Variants in SPOCK1 observed in about 807,000 individuals in gnomAD.
SPOCK1 encodes testican-1.
A neutral mutation model predicts 55.3 loss-of-function variants in SPOCK1; 23 were observed. The observed-to-expected ratio is 0.42, with a 90% CI of 0.30 to 0.59. SPOCK1 has a LOEUF of 0.59. SPOCK1 is among the 20% of genes least tolerant of loss of function. The pLI is 0.22. For synonymous variants in SPOCK1, 226 were observed against 221.0 expected (o/e 1.02, Z -0.20); for missense variants, 499 against 552.5 (o/e 0.90, Z 0.97).
rs1222111592 is a variant in SPOCK1 at position 136,988,522 on chromosome 5, C to T, written c.828G>A (p.Lys276=). 6.2e-7 allele frequency: 1 copy of T among 1,614,184 alleles called. No individual in the cohort carries two copies. The highest frequency in any genetic ancestry group is 1.7e-5 in the Admixed American group (1 of 60,030). ...PSEINAIYLD[K]YEPCIKPLFN... The stretch of plus-strand genomic sequence containing the variant: ...AAAGAGGCTTGATACAGGGCTCGTA[C>T]TTATCCAGGTAGATGGCATTGATCT... Residue 276 remains lysine (K), a synonymous_variant, in exon 8 of 11, where the codon AAG becomes AAA. Transcript: ENST00000394945.
Position 137,446,475 on chromosome 5 carries a change from G to T in SPOCK1, c.186+51898C>A, listed in dbSNP as rs142798522. Among the ~76,000 whole-genome samples the T allele has an allele frequency of 8.5e-4, 129 of 152,272 alleles. 1 individual carries two copies. The highest frequency in any genetic ancestry group is 2.8e-3 in the African/African-American group (116 of 41,548). On this transcript the variant is annotated intron_variant, in intron 2 of 10. Coordinates refer to ENST00000394945, the MANE Select transcript of SPOCK1 (RefSeq NM_004598.4). Reference sequence around the variant, plus strand: ...GCAGTCTTCCCTTTGGTCTCAGCAGGATCCCACAGGTGAGAGATCCCAGAA... The same window carrying T: ...GCAGTCTTCCCTTTGGTCTCAGCAGTATCCCACAGGTGAGAGATCCCAGAA...
chr5:137,181,142 G>A (rs181450063), intron 3 of SPOCK1, among the ~76,000 whole-genome samples: 1 of 152,298 alleles, frequency 6.6e-6, no homozygotes, highest in Non-Finnish European at 1.5e-5. Context: ...AACGCTCGAT[G>A]GAAGGAATAG....
At chr5:137,150,976 CAT>C (rs1754308629) in intron 3 of SPOCK1, among the ~76,000 whole-genome samples, 1 of 152,130 alleles carries the variant, frequency 6.6e-6, no homozygotes, top group Non-Finnish European at 1.5e-5. Flanking sequence ...AGGCCTACAC[CAT>C]ATGCATCTAG....
At chr5:137,482,713 A>G (rs1753975348) in intron 2 of SPOCK1, among the ~76,000 whole-genome samples, 2 of 152,232 alleles carry the variant, frequency 1.3e-5, no homozygotes, top group Admixed American at 1.3e-4. Flanking sequence ...AGCTGTGAAC[A>G]AGGATCATCG....
At chr5:137,124,029 G>A (rs1467924569) in intron 4 of SPOCK1, among the ~76,000 whole-genome samples, 8 of 151,950 alleles carry the variant, frequency 5.3e-5, no homozygotes, top group South Asian at 2.1e-4. Context: ...TCTGAGAACC[G>A]CTCTGATGCA....
At chr5:137,332,298 C>G (rs1758201893) in intron 2 of SPOCK1, among the ~76,000 whole-genome samples, 1 of 152,150 alleles carries the variant, frequency 6.6e-6, no homozygotes, top group South Asian at 2.1e-4. Context: ...GCTTCCTGCC[C>G]ATTATTTAAG....
chr5:137,447,736 C>T (rs993490865), intron 2 of SPOCK1, among the ~76,000 whole-genome samples: 1 of 152,090 alleles, frequency 6.6e-6, no homozygotes, highest in Non-Finnish European at 1.5e-5. Context: ...AACCTATCAC[C>T]ATACCTATAA....
chr5:137,357,854 T>G (rs962683414), intron 2 of SPOCK1, among the ~76,000 whole-genome samples: 1 of 152,174 alleles, frequency 6.6e-6, no homozygotes, highest in African/African-American at 2.4e-5. Flanking sequence ...CTTCTTACCT[T>G]CTGTTAATAA....
chr5:137,391,658 C>T lies in SPOCK1; in HGVS notation c.186+106715G>A, dbSNP rs535078233. Among the ~76,000 whole-genome samples, 28 of 152,192 alleles carry T rather than the reference C, an allele frequency of 1.8e-4. No homozygotes were observed. The South Asian group carries it at 4.4e-3, about 24-fold the overall frequency. ...CGGTGCCTCCCCAGGTCCTTCCACA[C>T]GTCTCTCCCCGCTCCCCTCCATGGT... On this transcript the variant is annotated intron_variant, in intron 2 of 10. Coordinates refer to ENST00000394945, the MANE Select transcript of SPOCK1 (RefSeq NM_004598.4).
chr5:137,227,152 G>A (rs1755962192), intron 3 of SPOCK1, among the ~76,000 whole-genome samples: 1 of 152,128 alleles, frequency 6.6e-6, no homozygotes, highest in South Asian at 2.1e-4. Context: ...CCTACTCCAG[G>A]ACCTTTCTGT....
intron 2 of SPOCK1, among the ~76,000 whole-genome samples, chr5:137,492,450 C>T (rs1299750408): frequency 6.6e-6 from 1 of 152,180 alleles, no homozygotes; most frequent in Non-Finnish European, 1.5e-5. Context: ...ACCCCTAGTC[C>T]TATGATGTAA....
chr5:137,038,099 G>A (rs1186617147), intron 6 of SPOCK1, among the ~76,000 whole-genome samples: 3 of 152,184 alleles, frequency 2.0e-5, no homozygotes, highest in Non-Finnish European at 2.9e-5. Flanking sequence ...TGAAGCAAAA[G>A]CCTCATGGAT....
At chr5:136,995,488 G>C (rs754944597) in intron 6 of SPOCK1, among the ~76,000 whole-genome samples, 4 of 152,206 alleles carry the variant, frequency 2.6e-5, no homozygotes, top group Non-Finnish European at 5.9e-5. Flanking sequence ...CCTGCTCTAA[G>C]CAGGAGAGAA....
intron 3 of SPOCK1, among the ~76,000 whole-genome samples, chr5:137,173,633 C>T (rs1415018123): frequency 1.3e-5 from 2 of 152,148 alleles, no homozygotes; most frequent in Non-Finnish European, 2.9e-5. Context: ...CAATACAAAT[C>T]GGTATTTCTT....
At chr5:137,197,204 C>T (rs1755318378) in intron 3 of SPOCK1, among the ~76,000 whole-genome samples, 1 of 152,186 alleles carries the variant, frequency 6.6e-6, no homozygotes, top group Non-Finnish European at 1.5e-5. Flanking sequence ...CTCATATGTC[C>T]AGGAGCTTCA....
intron 2 of SPOCK1, among the ~76,000 whole-genome samples, chr5:137,483,989 T>C (rs548385028): frequency 2.0e-5 from 3 of 152,184 alleles, no homozygotes; most frequent in Non-Finnish European, 4.4e-5. Context: ...CATTGGGTAA[T>C]GAAAATCAAG....
intron 5 of SPOCK1, among the ~76,000 whole-genome samples, chr5:137,097,232 C>A (rs770806465): frequency 3.3e-5 from 5 of 152,140 alleles, no homozygotes; most frequent in African/African-American, 7.2e-5. Context: ...AATAGAGGGG[C>A]TGCTTTTGCT....
intron 2 of SPOCK1, among the ~76,000 whole-genome samples, chr5:137,448,034 G>C (rs1753166632): frequency 6.6e-6 from 1 of 152,158 alleles, no homozygotes; most frequent in African/African-American, 2.4e-5. Context: ...GATTGCCTGA[G>C]GTCAGCAGTT....
chr5:137,056,486 T>G (rs1190229827), intron 6 of SPOCK1, among the ~76,000 whole-genome samples: 4 of 152,104 alleles, frequency 2.6e-5, no homozygotes, highest in African/African-American at 4.8e-5. Flanking sequence ...ATATCCTAAA[T>G]TCTAAGATTT....
Sources: allele counts gnomAD v4.1 joint callset (sites outside exome capture counted in the v4.1 genomes callset), GRCh38; gene constraint gnomAD v4.1.1; transcripts MANE v1.5; gene names NCBI Gene and HGNC (gene_info 2026-07-23, HGNC 2026-07-21).